BDH1: variants seen among roughly 807,000 people sequenced by gnomAD.
The protein encoded by BDH1 is 3-hydroxybutyrate dehydrogenase 1, also known as D-beta-hydroxybutyrate dehydrogenase, mitochondrial.
A neutral mutation model predicts 33.1 loss-of-function variants in BDH1; 30 were observed. That is an observed-to-expected ratio of 0.91 (90% CI 0.68 to 1.23). The LOEUF is 1.23. Ranked by LOEUF, BDH1 falls within the 50% of genes most tolerant of loss-of-function variation. The pLI is 0.00. For synonymous variants in BDH1, 190 were observed against 183.6 expected (o/e 1.03, Z -0.28); for missense variants, 443 against 464.4 (o/e 0.95, Z 0.42).
intron 6 of BDH1, among the ~76,000 whole-genome samples, chr3:197,519,330 CAG>C (rs1713264791): frequency 6.6e-6 from 1 of 152,086 alleles, no homozygotes; most frequent in Admixed American, 6.6e-5. Flanking sequence ...GAGACCCACA[CAG>C]GGGGCAGGTG....
At chr3:197,555,490 C>T (rs1716946182) in intron 1 of BDH1, 1 of 152,272 alleles carries the variant, frequency 6.6e-6, no homozygotes, top group Non-Finnish European at 1.5e-5. Context: ...GCGTGTTTAA[C>T]CCAGGGCCTC....
chr3:197,561,579 G>C (rs1717261846), intron 1 of BDH1, among the ~76,000 whole-genome samples: 2 of 152,124 alleles, frequency 1.3e-5, no homozygotes, highest in African/African-American at 4.8e-5. Context: ...ACAACCAGCT[G>C]GTCTGAATTT....
intron 1 of BDH1, among the ~76,000 whole-genome samples, chr3:197,571,611 G>A (rs1052011723): frequency 1.3e-5 from 2 of 152,204 alleles, no homozygotes; most frequent in Admixed American, 1.3e-4. Context: ...TCTCTTGCCT[G>A]CCACCATGTA....
chr3:197,560,669 T>G (rs1717229493), upstream of BDH1, among the ~76,000 whole-genome samples: 1 of 152,218 alleles, frequency 6.6e-6, no homozygotes, highest in Admixed American at 6.5e-5. Flanking sequence ...TGCTATTTCT[T>G]TACTGCACCA....
In BDH1 at chr3:197,516,568, T is replaced by C. The variant is rs547857143; in HGVS notation, c.410-2152A>G. Among the ~76,000 whole-genome samples, 10 of 152,174 alleles carry C rather than the reference T, an allele frequency of 6.6e-5. No individual in the cohort carries two copies. Among genetic ancestry groups the C allele is most frequent in the Admixed American group, 3.3e-4 (5 of 15,288 alleles). ...ATCCCCAAGATCGCCTCCGCACCAGTGGCCCCTCAGTTCTCCTTGGGAGTC... is the reference window on the plus strand; with the variant it reads ...ATCCCCAAGATCGCCTCCGCACCAGCGGCCCCTCAGTTCTCCTTGGGAGTC... On this transcript the variant is annotated intron_variant, in intron 6 of 7. Coordinates refer to ENST00000392379, the MANE Select transcript of BDH1 (RefSeq NM_203314.3). The surrounding 1 kb of genome is among the most constrained non-coding windows in gnomAD (Gnocchi z 4.2).
upstream of BDH1, among the ~76,000 whole-genome samples, chr3:197,557,976 C>T (rs977143679): frequency 6.6e-6 from 1 of 152,214 alleles, no homozygotes; most frequent in Non-Finnish European, 1.5e-5. This position sits in a 1 kb window ranked among gnomAD's most constrained non-coding sequence, Gnocchi z 4.6. Context: ...ACTAAAATTA[C>T]GCCTTGAGGA....
At chr3:197,564,330 A>G (rs1463801211) in intron 1 of BDH1, among the ~76,000 whole-genome samples, 2 of 152,268 alleles carry the variant, frequency 1.3e-5, no homozygotes, top group South Asian at 2.1e-4. Context: ...AAAAAAACCT[A>G]TATGATCAAG....
chr3:197,511,916 G>A lies in BDH1; in HGVS notation c.1011C>T (p.Ser337=), dbSNP rs374291198. Residue 337 remains serine (S), a synonymous_variant, in exon 8 of 8, where the codon TCC becomes TCT. Transcript: ENST00000392379. ...CTCTTCAGCGGATGTAGATCATGTC[G>A]GAGATGGCTCCAGGCAAGTGGGTCA... is the stretch of plus-strand genomic sequence containing the variant. ...QIMTHLPGAI[S]DMIYIR is the part of the protein sequence containing the mutation. The A allele has an allele frequency of 9.1e-5, 142 of 1,566,914 alleles. 1 individual carries two copies. In the South Asian group the frequency reaches 1.4e-3, roughly 16 times the overall value.
At position 197,548,494 on chromosome 3, in the gene BDH1, G is replaced by A. The variant is rs536527259; in HGVS notation, c.-43-2008C>T. 7.2e-4 allele frequency among the ~76,000 whole-genome samples: 109 copies of A among 152,344 alleles called. 1 individual carries two copies. The highest frequency in any genetic ancestry group is 2.4e-3 in the African/African-American group (101 of 41,584). On this transcript the variant is annotated intron_variant, in intron 2 of 7. Coordinates refer to ENST00000392379, the MANE Select transcript of BDH1 (RefSeq NM_203314.3). Reference sequence around the variant, plus strand: ...CAAATAGACAGCTGCTTTCCATTTTGTTTTCCTTGAAGTCAGCCATATCTA... The same window carrying A: ...CAAATAGACAGCTGCTTTCCATTTTATTTTCCTTGAAGTCAGCCATATCTA...
intron 5 of BDH1, among the ~76,000 whole-genome samples, chr3:197,527,114 T>C (rs192331651): frequency 6.6e-6 from 1 of 152,210 alleles, no homozygotes; most frequent in Non-Finnish European, 1.5e-5. Flanking sequence ...GGGAAGAACA[T>C]GAGGACACTC....
chr3:197,511,616 C>T lies in BDH1; in HGVS notation c.*279G>A, dbSNP rs1050119. 0.23 allele frequency: 94,894 copies of T among 408,630 alleles called. 13,591 individuals carry two copies. Among genetic ancestry groups the T allele is most frequent in the Non-Finnish European group, 0.3 (68,366 of 231,136 alleles). 25.3% of individuals were successfully genotyped at this position (408,630 alleles called of 1,614,324 possible). A position where few individuals can be genotyped will look rare whatever the true frequency, so the allele number is the denominator to read the frequency against. ...TCTGTTTTTAATATAAAGATGTTTTCTTAAAATCTCTGTATGAAATTATCT... is the reference window on the plus strand; with the variant it reads ...TCTGTTTTTAATATAAAGATGTTTTTTTAAAATCTCTGTATGAAATTATCT... On this transcript the variant is annotated 3_prime_UTR_variant, in exon 8 of 8. Coordinates refer to ENST00000392379, the MANE Select transcript of BDH1 (RefSeq NM_203314.3).
chr3:197,568,509 G>A (rs981662299), intron 1 of BDH1, among the ~76,000 whole-genome samples: 1 of 152,104 alleles, frequency 6.6e-6, no homozygotes, highest in Non-Finnish European at 1.5e-5. Flanking sequence ...GGATGAATGA[G>A]AACTGGAGGA....
At chr3:197,558,789 C>G (rs1460466962), upstream of BDH1, among the ~76,000 whole-genome samples, 1 of 152,296 alleles carries the variant, frequency 6.6e-6, no homozygotes, top group East Asian at 1.9e-4. Flanking sequence ...GGCGAGGCCA[C>G]TCTCTGGAAG....
chr3:197,561,468 C>A (rs947015361), intron 1 of BDH1, among the ~76,000 whole-genome samples: 1 of 151,754 alleles, frequency 6.6e-6, no homozygotes, highest in Non-Finnish European at 1.5e-5. Context: ...AAGATGAATT[C>A]GAGTTTTTTC....
At chr3:197,569,704 G>A (rs185641153) in intron 1 of BDH1, among the ~76,000 whole-genome samples, 71 of 152,276 alleles carry the variant, frequency 4.7e-4, no homozygotes, top group Admixed American at 2.5e-3. Flanking sequence ...CATGTAAGAC[G>A]TGCCTTTTGC....
chr3:197,522,537 G>A lies in BDH1; in HGVS notation c.409+103C>T, dbSNP rs2108725943. The A allele has an allele frequency of 6.9e-7, 1 of 1,450,954 alleles. No individual in the cohort carries two copies. The highest frequency in any genetic ancestry group is 1.2e-5 in the South Asian group (1 of 80,188). 89.9% of individuals were successfully genotyped at this position (1,450,954 alleles called of 1,614,324 possible). ...GAGGAAGAGCCTAAACAATAAGGAAGGGAGTGTGGTGGCAGGATGCCAGCC... is the reference window on the plus strand; with the variant it reads ...GAGGAAGAGCCTAAACAATAAGGAAAGGAGTGTGGTGGCAGGATGCCAGCC... On this transcript the variant is annotated intron_variant, in intron 6 of 7. Transcript: ENST00000392379. This position sits in a 1 kb window ranked among gnomAD's most constrained non-coding sequence, Gnocchi z 4.8.
chr3:197,557,939 A>G (rs1165112231), upstream of BDH1, among the ~76,000 whole-genome samples: 1 of 152,230 alleles, frequency 6.6e-6, no homozygotes, highest in Non-Finnish European at 1.5e-5. The surrounding 1 kb of genome is among the most constrained non-coding windows in gnomAD (Gnocchi z 4.6). Flanking sequence ...GGCATATAGT[A>G]CCACAGGGTT....
intron 1 of BDH1, among the ~76,000 whole-genome samples, chr3:197,572,402 G>A (rs775722957): frequency 7.9e-5 from 12 of 152,266 alleles, no homozygotes; most frequent in East Asian, 5.8e-4. Context: ...GAATGCACAC[G>A]TACACATAGA....
At chr3:197,555,026 G>T (rs1352508434) in intron 1 of BDH1, among the ~76,000 whole-genome samples, 4 of 152,218 alleles carry the variant, frequency 2.6e-5, no homozygotes, top group African/African-American at 9.6e-5. Context: ...AGACAGCACC[G>T]CCCAGCCAAA....
Sources: allele counts gnomAD v4.1 joint callset (sites outside exome capture counted in the v4.1 genomes callset), GRCh38; gene constraint gnomAD v4.1.1; non-coding constraint Gnocchi (gnomAD v3.1); transcripts MANE v1.5; gene names NCBI Gene and HGNC (gene_info 2026-07-23, HGNC 2026-07-21).